PTPRN2: variants seen among roughly 807,000 people sequenced by gnomAD.
PTPRN2 encodes the protein protein tyrosine phosphatase receptor type N2, also known as receptor-type tyrosine-protein phosphatase N2.
A neutral mutation model predicts 118.8 loss-of-function variants in PTPRN2; 74 were observed. The ratio of observed to expected loss-of-function variants is 0.62; its 90% confidence interval spans 0.52 to 0.76. The LOEUF (loss-of-function observed/expected upper bound fraction) is 0.76, where lower values mean the gene tolerates loss of function less well. PTPRN2 is among the 30% of genes least tolerant of loss of function. The probability of loss-of-function intolerance (pLI) is 0.00; values close to 1 mark genes in which losing one functional copy is unlikely to be tolerated. For missense variants in PTPRN2, 1,481 were observed against 1,394.4 expected (o/e 1.06, Z -0.99); for synonymous variants, 641 against 608.0 (o/e 1.05, Z -0.80).
At chr7:158,033,311 G>A (rs960680650) in intron 11 of PTPRN2, among the ~76,000 whole-genome samples, 46 of 152,294 alleles carry the variant, frequency 3.0e-4, no homozygotes, top group Middle Eastern at 6.8e-3. Context: ...AGGAAGAAAC[G>A]AGTCGGTGAT....
chr7:158,194,940 A>C (rs1287898509), intron 4 of PTPRN2, among the ~76,000 whole-genome samples: 1 of 152,200 alleles, frequency 6.6e-6, no homozygotes, highest in Non-Finnish European at 1.5e-5. Context: ...GTTGACAGCT[A>C]TGTTATCAAC....
At chr7:157,636,728 T>C (rs979835280) in intron 14 of PTPRN2, among the ~76,000 whole-genome samples, 45 of 152,194 alleles carry the variant, frequency 3.0e-4, no homozygotes, top group African/African-American at 9.4e-4. Context: ...CTGGAGAACT[T>C]TGGAGAAATG....
chr7:158,072,336 G>C (rs932537897), intron 11 of PTPRN2, among the ~76,000 whole-genome samples: 1 of 152,118 alleles, frequency 6.6e-6, no homozygotes, highest in African/African-American at 2.4e-5. Context: ...TGCCAGCCTT[G>C]CCGTGTGAAT....
At chr7:158,172,454 G>A (rs1214727255) in intron 5 of PTPRN2, among the ~76,000 whole-genome samples, 3 of 150,782 alleles carry the variant, frequency 2.0e-5, no homozygotes, top group African/African-American at 7.3e-5. Context: ...ACCATCCACA[G>A]CACCATCCCT....
chr7:157,842,567 A>C (rs2151187100), intron 12 of PTPRN2, among the ~76,000 whole-genome samples: 1 of 152,074 alleles, frequency 6.6e-6, no homozygotes, highest in Middle Eastern at 3.4e-3. Flanking sequence ...GGCAGGCACC[A>C]CCATGCCCAG....
intron 9 of PTPRN2, among the ~76,000 whole-genome samples, chr7:158,121,421 C>G (rs866537790): frequency 2.0e-5 from 3 of 152,218 alleles, no homozygotes; most frequent in Admixed American, 1.3e-4. Flanking sequence ...CCTGCCTCCC[C>G]CTACAAACTG....
chr7:158,265,029 C>T (rs1040244208), intron 3 of PTPRN2, among the ~76,000 whole-genome samples: 4 of 152,296 alleles, frequency 2.6e-5, no homozygotes, highest in African/African-American at 9.6e-5. Flanking sequence ...CCAGGCCCCA[C>T]AGCCCCCAAG....
At chr7:157,597,314 C>A (rs1017737835) in intron 16 of PTPRN2, among the ~76,000 whole-genome samples, 1 of 152,082 alleles carries the variant, frequency 6.6e-6, no homozygotes, top group Non-Finnish European at 1.5e-5. Flanking sequence ...CGCTGAAAGC[C>A]CCAATTAGAA....
rs1795585090 is a variant in PTPRN2, at chr7:157,874,394, C to T, written c.1788+24279G>A. On this transcript the variant is annotated intron_variant, in intron 12 of 22. Transcript: ENST00000389418. The surrounding 1 kb of genome is among the most constrained non-coding windows in gnomAD (Gnocchi z 5.8). The stretch of plus-strand genomic sequence containing the variant: ...ACCTGACCCAGCTCCTGCTTTCTGC[C>T]CCCTCCTGTCCCCTCTCTCCTGCCC... Among the ~76,000 whole-genome samples, 1 of 152,286 alleles carries T rather than the reference C, an allele frequency of 6.6e-6. No homozygotes were observed. The highest frequency in any genetic ancestry group is 6.5e-5 in the Admixed American group (1 of 15,286).
At chr7:158,413,603 G>A (rs1375215916) in intron 2 of PTPRN2, among the ~76,000 whole-genome samples, 4 of 152,228 alleles carry the variant, frequency 2.6e-5, no homozygotes, top group African/African-American at 7.2e-5. Context: ...GGAAAGCCCC[G>A]TGTGGGCTCC....
chr7:158,213,168 C>T (rs758752154), intron 3 of PTPRN2, among the ~76,000 whole-genome samples: 4 of 151,314 alleles, frequency 2.6e-5, no homozygotes, highest in Non-Finnish European at 2.9e-5. Context: ...TGTACAAAAA[C>T]ACATTACCAA....
intron 1 of PTPRN2, among the ~76,000 whole-genome samples, chr7:158,518,522 C>T (rs766385714): frequency 4.6e-5 from 7 of 152,268 alleles, no homozygotes; most frequent in Non-Finnish European, 1.0e-4. Context: ...GGATACGGCT[C>T]AAGCTCCACC....
chr7:158,489,621 C>T (rs2129445412), intron 2 of PTPRN2, 114 bp downstream of exon 2: 4 of 1,112,610 alleles, frequency 3.6e-6, no homozygotes, highest in Non-Finnish European at 4.9e-6. Flanking sequence ...CTCGGCAGCG[C>T]GCCCCGGGCG....
intron 12 of PTPRN2, among the ~76,000 whole-genome samples, chr7:157,810,831 C>T (rs1435067048): frequency 6.6e-6 from 1 of 152,032 alleles, no homozygotes; most frequent in Non-Finnish European, 1.5e-5. Flanking sequence ...GACGGCGGGA[C>T]TGCTGGGGTC....
chr7:158,035,354 A>T (rs938266347), intron 11 of PTPRN2, among the ~76,000 whole-genome samples: 3 of 152,358 alleles, frequency 2.0e-5, no homozygotes, highest in East Asian at 3.9e-4. Flanking sequence ...GACAGGCACA[A>T]ATTTTGAAGC....
intron 11 of PTPRN2, among the ~76,000 whole-genome samples, chr7:157,919,777 CACGTACTA>C (rs1370222470): frequency 6.6e-6 from 1 of 152,074 alleles, no homozygotes; most frequent in East Asian, 1.9e-4. Flanking sequence ...AGTCATGCAC[CACGTACTA>C]ACGTTTTGGT....
At chr7:158,265,862 C>T (rs1327681505) in intron 3 of PTPRN2, among the ~76,000 whole-genome samples, 2 of 152,224 alleles carry the variant, frequency 1.3e-5, no homozygotes, top group African/African-American at 2.4e-5. Flanking sequence ...CACAGAGCCC[C>T]GCCATGGAAC....
At chr7:158,471,722 T>G (rs1209794865) in intron 2 of PTPRN2, among the ~76,000 whole-genome samples, 1 of 142,828 alleles carries the variant, frequency 7.0e-6, no homozygotes, top group Non-Finnish European at 1.5e-5. Flanking sequence ...AAAAAAAACC[T>G]TACTAACAAA....
At chr7:158,171,143 T>C (rs201097654) in intron 5 of PTPRN2, among the ~76,000 whole-genome samples, 4 of 64,850 alleles carry the variant, frequency 6.2e-5, no homozygotes, top group East Asian at 8.7e-4. Context: ...TATACACACA[T>C]ATATATACAC....
Sources: gnomAD v4.1 joint callset for allele counts (sites outside exome capture counted in the v4.1 genomes callset) on GRCh38, gnomAD v4.1.1 for gene constraint, Gnocchi (gnomAD v3.1) non-coding constraint, MANE v1.5 for transcripts, NCBI Gene and HGNC (gene_info 2026-07-23, HGNC 2026-07-21) for gene names.